Variants in MKNK2 observed in about 807,000 individuals in gnomAD.
MKNK2 encodes the protein MAPK interacting serine/threonine kinase 2.
MKNK2 carries 54 observed loss-of-function variants against 55.0 expected under a neutral mutation model. That is an observed-to-expected ratio of 0.98 (90% CI 0.79 to 1.23). MKNK2 has a LOEUF of 1.23. Ranked by LOEUF, MKNK2 falls within the 50% of genes most tolerant of loss-of-function variation. The pLI, the probability that MKNK2 is intolerant of heterozygous loss-of-function variation, is 0.00. For missense variants in MKNK2, 685 were observed against 632.1 expected (o/e 1.08, Z -0.90); for synonymous variants, 323 against 256.0 (o/e 1.26, Z -2.50).
Position 2,043,205 on chromosome 19 carries a change from G to A in MKNK2, c.420-8C>T, listed in dbSNP as rs922109867. 2 of 1,603,990 alleles carry A rather than the reference G, an allele frequency of 1.2e-6. No homozygotes were observed. Among genetic ancestry groups the A allele is most frequent in the East Asian group, 2.2e-5 (1 of 44,828 alleles). On this transcript the variant is annotated splice_polypyrimidine_tract_variant and splice_region_variant and intron_variant, in intron 6 of 13. Coordinates refer to ENST00000250896, the MANE Select transcript of MKNK2 (RefSeq NM_199054.3). ...ATCAGCTCTAGGACGTTCCTGGGGT[G>A]GGGGTGGGGGCAGGAGAGGAGCTGA...
rs2016999242 is a variant in MKNK2 at position 2,046,412 on chromosome 19, T to A, written c.196A>T (p.Lys66Ter). Residue 66 changes from lysine to a stop codon, truncating the protein, a stop_gained, in exon 4 of 14, where the codon AAG becomes TAG. Coordinates refer to ENST00000250896, the MANE Select transcript of MKNK2 (RefSeq NM_199054.3). LOFTEE classifies it high-confidence loss of function. The part of the protein sequence containing the change: ...IPDAKKRGKK[K>*]KRGRATDSFS... ...CTGTCGGTGGCCCGGCCGCGCTTCT[T>A]CTTCTTGCCCCTCTTCTTGGCGTCC... 6.2e-7 allele frequency: 1 copy of A among 1,609,238 alleles called. No homozygotes were observed. Among genetic ancestry groups the A allele is most frequent in the African/African-American group, 1.3e-5 (1 of 74,878 alleles).
intron 6 of MKNK2, 108 bp downstream of exon 6, chr19:2,043,395 G>A: frequency 8.6e-7 from 1 of 1,164,464 alleles, no homozygotes; most frequent in Non-Finnish European, 1.3e-6. Flanking sequence ...GCAGGGCCTG[G>A]GAAACTGGGT....
Position 2,043,262 on chromosome 19 carries a change from C to T in MKNK2, c.420-65G>A, listed in dbSNP as rs748213286. 4.2e-4 allele frequency: 581 copies of T among 1,380,694 alleles called. 1 individual carries two copies. The highest frequency in any genetic ancestry group is 5.4e-4 in the Non-Finnish European group (526 of 971,678). 85.5% of individuals were successfully genotyped at this position (1,380,694 alleles called of 1,614,324 possible). On this transcript the variant is annotated intron_variant, in intron 6 of 13. Coordinates refer to ENST00000250896, the MANE Select transcript of MKNK2 (RefSeq NM_199054.3). ...CTGAGGCCCCTGGGTACCTGCTGCC[C>T]GGCCTAGGAGGGGCCCACCCTCTTG...
chr19:2,039,606 G>A lies in MKNK2; in HGVS notation c.*7C>T, dbSNP rs376995230. 15 of 1,607,982 alleles carry A rather than the reference G, an allele frequency of 9.3e-6. No individual in the cohort carries two copies. Among genetic ancestry groups the A allele is most frequent in the East Asian group, 2.2e-5 (1 of 44,750 alleles). ...GGTGACCTATGTACAGAGGGGAGATGGGAGGGTCAGGCGTGGTCTCCCACC... is the reference window on the plus strand; with the variant it reads ...GGTGACCTATGTACAGAGGGGAGATAGGAGGGTCAGGCGTGGTCTCCCACC... On this transcript the variant is annotated 3_prime_UTR_variant, in exon 14 of 14. Coordinates refer to ENST00000250896, the MANE Select transcript of MKNK2 (RefSeq NM_199054.3).
At chr19:2,044,292 G>A (rs2016954117) in intron 5 of MKNK2, among the ~76,000 whole-genome samples, 1 of 152,194 alleles carries the variant, frequency 6.6e-6, no homozygotes, top group Admixed American at 6.5e-5. Flanking sequence ...TGCCAGCCTG[G>A]GCAGACACTT....
intron 2 of MKNK2, among the ~76,000 whole-genome samples, chr19:2,048,094 C>T (rs1373357698): frequency 1.3e-5 from 2 of 152,168 alleles, no homozygotes; most frequent in Admixed American, 6.5e-5. Flanking sequence ...CAGACCACAT[C>T]CTGCACTCTC....
At chr19:2,040,323 G>T in intron 12 of MKNK2, 146 bp from the exon 13 acceptor site, 1 of 688,786 alleles carries the variant, frequency 1.5e-6, no homozygotes, top group Non-Finnish European at 2.4e-6. Flanking sequence ...TGCCCCGGGA[G>T]CCAAGCGCCC....
In MKNK2 at chr19:2,040,155, G is replaced by A. The variant is rs2016844886; in HGVS notation, c.1133C>T (p.Pro378Leu). Residue 378 changes from proline to leucine, a missense_variant, in exon 13 of 14, where the codon CCC (proline) becomes CTC (leucine). By Grantham distance (98) the Pro-to-Leu change is moderately conservative. Transcript: ENST00000250896. ...TTACCTCTGCAGGACCATGGGAGTG[G>A]GCAAGGTGTTCTCCGGGGCGCACTG... ...VQGCAPENTL[P>L]TPMVLQRNSC... The A allele has an allele frequency of 1.3e-6, 2 of 1,592,552 alleles. No homozygotes were observed. The highest frequency in any genetic ancestry group is 1.7e-6 in the Non-Finnish European group (2 of 1,171,372).
At position 2,038,133 on chromosome 19, in the gene MKNK2, G is replaced by A. The variant is rs1006627108; in HGVS notation, c.*1480C>T. ...GGCCACCGGACTGTGACCATCATAC[G>A]AGATTCAGGAGGGGCAGCAGGGCCA... On this transcript the variant is annotated 3_prime_UTR_variant, in exon 14 of 14. Transcript: ENST00000250896. The A allele has an allele frequency of 1.1e-4, 112 of 1,066,054 alleles. No homozygotes were observed. The highest frequency in any genetic ancestry group is 3.7e-4 in the African/African-American group (22 of 59,378). 66.0% of individuals were successfully genotyped at this position (1,066,054 alleles called of 1,614,324 possible).
In MKNK2 at chr19:2,046,636, G is replaced by C. The variant is rs781418506; in HGVS notation, c.107C>G (p.Ser36Cys). 2 of 1,567,502 alleles carry C rather than the reference G, an allele frequency of 1.3e-6. No individual in the cohort carries two copies. The highest frequency in any genetic ancestry group is 1.7e-6 in the Non-Finnish European group (2 of 1,157,496). ...FSLDQPDHGD[S>C]DFGLQCSARP... ...GGCTGAGCACTGCAGGCCAAAGTCA[G>C]AGTCTCCGTGGTCGGGCTGGTCTAG... The change falls in exon 3 of 14, where the codon TCT becomes TGT. Residue 36 changes from serine to cysteine, a missense_variant. Physicochemically the swap from Ser to Cys is moderately radical, Grantham distance 112. Coordinates refer to ENST00000250896, the MANE Select transcript of MKNK2 (RefSeq NM_199054.3).
intron 2 of MKNK2, among the ~76,000 whole-genome samples, chr19:2,047,982 A>G (rs1599385826): frequency 6.6e-6 from 1 of 151,136 alleles, no homozygotes; most frequent in Non-Finnish European, 1.5e-5. Context: ...CAGCCCCCCA[A>G]CCCCGCAGCT....
chr19:2,040,736 A>G (rs1015731941), intron 12 of MKNK2: 1 of 437,542 alleles, frequency 2.3e-6, no homozygotes. Context: ...GCTGGGGTCT[A>G]TGTGAGCTGG....
intron 5 of MKNK2, among the ~76,000 whole-genome samples, 197 bp from the exon 6 acceptor site, chr19:2,043,779 T>C (rs1193748297): frequency 6.6e-6 from 1 of 151,902 alleles, no homozygotes; most frequent in African/African-American, 2.4e-5. Flanking sequence ...ATTGAGACCA[T>C]CCTGGCCAAC....
Position 2,045,925 on chromosome 19 carries a change from A to G in MKNK2, c.339+261T>C, listed in dbSNP as rs552102961. Among the ~76,000 whole-genome samples, 10 of 152,264 alleles carry G rather than the reference A, an allele frequency of 6.6e-5. No homozygotes were observed. The East Asian group carries it at 1.9e-3, about 29-fold the overall frequency. On this transcript the variant is annotated intron_variant, in intron 5 of 13. Transcript: ENST00000250896. Reference sequence around the variant, plus strand: ...TTTTGATCCTTGAAACCAAACTGTCATGTACCCTCAGGGACAGCTCAGAGG... The same window carrying G: ...TTTTGATCCTTGAAACCAAACTGTCGTGTACCCTCAGGGACAGCTCAGAGG...
chr19:2,043,332 G>A (rs2016933340), intron 6 of MKNK2, 135 bp from the exon 7 acceptor site: 1 of 992,386 alleles, frequency 1.0e-6, no homozygotes, highest in Non-Finnish European at 1.6e-6. Flanking sequence ...CAATAGGCCA[G>A]CTTCACACTG....
At position 2,041,916 on chromosome 19, in the gene MKNK2, C is replaced by A; in HGVS notation, c.869G>T (p.Ser290Ile). The change falls in exon 11 of 14, where the codon AGC becomes ATC. Residue 290 changes from serine (S) to isoleucine (I), a missense_variant. Physicochemically the swap from Ser to Ile is moderately radical, Grantham distance 142. Coordinates refer to ENST00000250896, the MANE Select transcript of MKNK2 (RefSeq NM_199054.3). The stretch of plus-strand genomic sequence containing the variant: ...GCGGCCCACGAAGGGCGGGTAGCCG[C>A]TGAGTAGGATATACAAGATGACGCC... ...SLGVILYILL[S>I]GYPPFVGRCG... The A allele has an allele frequency of 1.9e-6, 3 of 1,548,672 alleles. No homozygotes were observed. Among genetic ancestry groups the A allele is most frequent in the Non-Finnish European group, 2.6e-6 (3 of 1,146,076 alleles).
At chr19:2,041,282 GA>G (rs1412836853) in intron 11 of MKNK2, 78 bp from the exon 12 acceptor site, 1 of 1,497,422 alleles carries the variant, frequency 6.7e-7, no homozygotes, top group Admixed American at 1.9e-5. Flanking sequence ...GCTCCAACCG[GA>G]CCCCAACCAG....
intron 2 of MKNK2, 106 bp from the exon 3 acceptor site, chr19:2,046,797 G>A (rs1179611810): frequency 5.7e-6 from 5 of 877,648 alleles, no homozygotes; most frequent in East Asian, 2.9e-5. Flanking sequence ...CAAGCCCTGC[G>A]CTGAGCATTA....
chr19:2,038,247 G>GTT lies in MKNK2; in HGVS notation c.*1364_*1365dup. The GTT allele has an allele frequency of 1.0e-6, 1 of 959,014 alleles. No homozygotes were observed. Among genetic ancestry groups the GTT allele is most frequent in the South Asian group, 4.8e-5 (1 of 20,724 alleles). The allele number at this position is 959,014 out of a possible 1,614,324, so 59.4% of individuals were successfully genotyped here. ...GGGAAGCAAAGTCCATCGATGTGTT[G>GTT]TTTTTTTTTAAGGAAAAACTAAAAA... On this transcript the variant is annotated 3_prime_UTR_variant, in exon 14 of 14. Transcript: ENST00000250896.
Sources: allele counts gnomAD v4.1 joint callset (sites outside exome capture counted in the v4.1 genomes callset), GRCh38; gene constraint gnomAD v4.1.1; transcripts MANE v1.5; gene names NCBI Gene and HGNC (gene_info 2026-07-23, HGNC 2026-07-21).